The following DLC1 variants were observed in gnomAD, a reference collection of about 807,000 sequenced individuals.
DLC1 encodes the protein rho GTPase-activating protein 7.
DLC1 carries 54 observed loss-of-function variants against 140.3 expected under a neutral mutation model. The ratio of observed to expected loss-of-function variants is 0.38; its 90% CI spans 0.31 to 0.48. The LOEUF (loss-of-function observed/expected upper bound fraction) is 0.48, where lower values mean the gene tolerates loss of function less well. Ranked by LOEUF, DLC1 falls within the 20% of genes least tolerant of loss-of-function variation. The pLI is 0.96. For synonymous variants in DLC1, 986 were observed against 728.1 expected (o/e 1.35, Z -5.70); for missense variants, 2,536 against 1,907.0 (o/e 1.33, Z -6.14).
intron 1 of DLC1, among the ~76,000 whole-genome samples, chr8:13,570,216 G>C (rs1331437875): frequency 6.6e-6 from 1 of 151,676 alleles, no homozygotes; most frequent in Non-Finnish European, 1.5e-5. Flanking sequence ...CTATATTCAA[G>C]CGTCTCTACA....
At chr8:13,172,724 G>C (rs553176967) in intron 5 of DLC1, among the ~76,000 whole-genome samples, 4 of 152,276 alleles carry the variant, frequency 2.6e-5, no homozygotes, top group Admixed American at 1.3e-4. Context: ...ATCAGAAAAT[G>C]GAAGTTCGAT....
intron 4 of DLC1, among the ~76,000 whole-genome samples, chr8:13,315,341 T>G (rs1193430510): frequency 6.6e-6 from 1 of 152,194 alleles, no homozygotes; most frequent in East Asian, 1.9e-4. Context: ...GATAATCAAA[T>G]AATAGCCAAA....
chr8:13,579,351 A>ATTTTTT (rs1804976542), intron 1 of DLC1, among the ~76,000 whole-genome samples: 1 of 30,328 alleles, frequency 3.3e-5, no homozygotes, highest in African/African-American at 1.5e-4. Context: ...ATATATATAT[A>ATTTTTT]TATATATATA....
chr8:13,470,339 A>G (rs2117066511), intron 2 of DLC1, among the ~76,000 whole-genome samples: 2 of 152,340 alleles, frequency 1.3e-5, no homozygotes, highest in Admixed American at 1.3e-4. Flanking sequence ...GGAGATTCCT[A>G]TCTAAACATA....
At chr8:13,256,694 A>AG (rs1309676450) in intron 5 of DLC1, among the ~76,000 whole-genome samples, 1 of 152,086 alleles carries the variant, frequency 6.6e-6, no homozygotes, top group Non-Finnish European at 1.5e-5. Flanking sequence ...GGACACAGGG[A>AG]GGGGAACATC....
intron 3 of DLC1, among the ~76,000 whole-genome samples, chr8:13,400,795 CA>C (rs1214909236): frequency 8.6e-5 from 13 of 151,970 alleles, no homozygotes; most frequent in African/African-American, 3.1e-4. Context: ...TAGATCTGCA[CA>C]AACTAAGGCC....
At chr8:13,232,950 G>T (rs1313747262) in intron 5 of DLC1, among the ~76,000 whole-genome samples, 8 of 152,058 alleles carry the variant, frequency 5.3e-5, no homozygotes, top group Admixed American at 5.2e-4. Context: ...AACATTTTTG[G>T]AATAAATAAT....
intron 2 of DLC1, among the ~76,000 whole-genome samples, chr8:13,436,120 A>C (rs1410276510): frequency 4.6e-5 from 7 of 152,260 alleles, no homozygotes; most frequent in African/African-American, 1.7e-4. Context: ...TGGGAAACCA[A>C]AATACTTGTG....
At chr8:13,476,776 A>T (rs1800453242) in intron 2 of DLC1, among the ~76,000 whole-genome samples, 1 of 152,232 alleles carries the variant, frequency 6.6e-6, no homozygotes, top group South Asian at 2.1e-4. Context: ...AAAAAAACCC[A>T]CTGAATTAAT....
chr8:13,487,765 G>A (rs755149010), intron 2 of DLC1, among the ~76,000 whole-genome samples: 1 of 152,052 alleles, frequency 6.6e-6, no homozygotes, highest in African/African-American at 2.4e-5. Flanking sequence ...TAGAGACAGA[G>A]TTTCACCATC....
chr8:13,222,597 G>A (rs1394256047), intron 5 of DLC1, among the ~76,000 whole-genome samples: 1 of 152,126 alleles, frequency 6.6e-6, no homozygotes, highest in Non-Finnish European at 1.5e-5. Context: ...GGTGATTCCA[G>A]CACTCTTGCT....
chr8:13,524,503 G>T (rs933429705), intron 1 of DLC1, among the ~76,000 whole-genome samples: 5 of 151,992 alleles, frequency 3.3e-5, no homozygotes, highest in African/African-American at 1.2e-4. Context: ...ATAGTCTATT[G>T]GTTACATGAT....
At chr8:13,390,153 T>C (rs1836686647) in intron 4 of DLC1, among the ~76,000 whole-genome samples, 4 of 152,296 alleles carry the variant, frequency 2.6e-5, no homozygotes, top group Admixed American at 1.3e-4. Context: ...AGAATTACTT[T>C]TGAACTGTAG....
chr8:13,402,658 C>A (rs1360960119), intron 2 of DLC1, among the ~76,000 whole-genome samples: 2 of 152,192 alleles, frequency 1.3e-5, no homozygotes, highest in African/African-American at 4.8e-5. Context: ...TGGAAAAATA[C>A]ATCTTGACAG....
At chr8:13,578,399 C>G (rs1804923113) in intron 1 of DLC1, among the ~76,000 whole-genome samples, 1 of 152,186 alleles carries the variant, frequency 6.6e-6, no homozygotes, top group South Asian at 2.1e-4. Context: ...TGGGGTTTTC[C>G]CTGCTACACC....
At chr8:13,092,488 T>A in intron 13 of DLC1, 124 bp downstream of exon 13, 2 of 1,018,524 alleles carry the variant, frequency 2.0e-6, no homozygotes, top group Non-Finnish European at 2.9e-6. Flanking sequence ...GAGAATGGAC[T>A]AATATAGCGG....
intron 2 of DLC1, among the ~76,000 whole-genome samples, chr8:13,430,452 T>C (rs907254935): frequency 9.2e-5 from 14 of 152,226 alleles, no homozygotes; most frequent in African/African-American, 3.4e-4. Context: ...TCATCTGTGA[T>C]GGTTGTCAGG....
At chr8:13,458,197 T>A (rs563738798) in intron 2 of DLC1, among the ~76,000 whole-genome samples, 1 of 152,318 alleles carries the variant, frequency 6.6e-6, no homozygotes, top group South Asian at 2.1e-4. Context: ...GAGATAAAAA[T>A]TTTTAATTCT....
intron 5 of DLC1, among the ~76,000 whole-genome samples, chr8:13,204,839 G>A (rs1827574414): frequency 6.6e-6 from 1 of 152,142 alleles, no homozygotes; most frequent in Non-Finnish European, 1.5e-5. Context: ...ATATTTATGG[G>A]AATGCTTGTG....
Sources: allele counts gnomAD v4.1 joint callset (sites outside exome capture counted in the v4.1 genomes callset), GRCh38; gene constraint gnomAD v4.1.1; transcripts MANE v1.5; gene names NCBI Gene and HGNC (gene_info 2026-07-23, HGNC 2026-07-21).